Variants in KLRG1 observed in about 807,000 individuals in gnomAD.
KLRG1 encodes the protein killer cell lectin like receptor G1, also known as killer cell lectin-like receptor subfamily G member 1.
KLRG1 carries 16 observed loss-of-function variants against 21.8 expected under a neutral mutation model. The observed-to-expected ratio is 0.73, with a 90% CI of 0.50 to 1.11. The LOEUF (loss-of-function observed/expected upper bound fraction) is 1.11. Ranked by LOEUF, KLRG1 falls within the 50% of genes most tolerant of loss-of-function variation. The pLI is 0.00. For missense variants in KLRG1, 173 were observed against 218.3 expected (o/e 0.79, Z 1.31); for synonymous variants, 69 against 75.9 (o/e 0.91, Z 0.47).
chr12:9,154,566 C>T, the KLRG1 span: 1 of 1,538,662 alleles, frequency 6.5e-7, no homozygotes, highest in Non-Finnish European at 8.9e-7. Flanking sequence ...TTTTAAGCCT[C>T]CCAATTGCCA....
At chr12:9,178,882 CA>C in the KLRG1 span, among the ~76,000 whole-genome samples, 2 of 152,080 alleles carry the variant, frequency 1.3e-5, no homozygotes, top group Admixed American at 6.6e-5. Flanking sequence ...AAAAATAGGA[CA>C]GGGGTCTCAG....
chr12:8,972,648 C>T (rs1304175501), intron 1 of KLRG1, among the ~76,000 whole-genome samples: 1 of 152,112 alleles, frequency 6.6e-6, no homozygotes, highest in Non-Finnish European at 1.5e-5. Flanking sequence ...GTTGTGCTCC[C>T]TATTCTCATC....
the KLRG1 span, among the ~76,000 whole-genome samples, chr12:9,024,446 T>C: frequency 6.6e-6 from 1 of 152,186 alleles, no homozygotes; most frequent in Non-Finnish European, 1.5e-5. Context: ...CGTAGTATAG[T>C]TCTCCAACTT....
At chr12:9,181,977 T>C in the KLRG1 span, 1 of 1,613,262 alleles carries the variant, frequency 6.2e-7, no homozygotes, top group African/African-American at 1.3e-5. Context: ...TCGCTCACCT[T>C]GTTGGCTAGA....
intron 3 of KLRG1, among the ~76,000 whole-genome samples, chr12:9,008,128 T>C (rs905705510): frequency 6.6e-6 from 1 of 152,152 alleles, no homozygotes; most frequent in African/African-American, 2.4e-5. Flanking sequence ...TCTTGCCACA[T>C]ACAAGATTGA....
the KLRG1 span, chr12:9,077,510 C>T: frequency 3.4e-6 from 5 of 1,477,706 alleles, no homozygotes; most frequent in Admixed American, 3.9e-5. Flanking sequence ...TGGAATTCAT[C>T]CTTACCCATA....
the KLRG1 span, among the ~76,000 whole-genome samples, chr12:9,198,969 G>C: frequency 6.6e-6 from 1 of 152,114 alleles, no homozygotes; most frequent in Admixed American, 6.5e-5. Flanking sequence ...CTGTTTGTTT[G>C]TAGGCTATCA....
chr12:8,972,327 T>G (rs1946583834), intron 1 of KLRG1, among the ~76,000 whole-genome samples: 1 of 152,158 alleles, frequency 6.6e-6, no homozygotes, highest in African/African-American at 2.4e-5. Context: ...CTGGCTAATT[T>G]TTTGTATTTT....
the KLRG1 span, chr12:9,101,078 C>T: frequency 1.4e-6 from 2 of 1,429,128 alleles, no homozygotes; most frequent in Non-Finnish European, 1.9e-6. Flanking sequence ...TATTCTGATA[C>T]TTCCGTGGTG....
chr12:9,004,051 G>T (rs1450673454), intron 3 of KLRG1, among the ~76,000 whole-genome samples: 1 of 151,842 alleles, frequency 6.6e-6, no homozygotes, highest in Non-Finnish European at 1.5e-5. Flanking sequence ...TTTTATGGCT[G>T]CATAGTATTC....
chr12:9,109,313 G>A, the KLRG1 span: 19 of 1,602,698 alleles, frequency 1.2e-5, no homozygotes, highest in Admixed American at 8.3e-5. Context: ...TTTAAAAAAT[G>A]AACTCACAGG....
At chr12:9,171,386 G>A in the KLRG1 span, among the ~76,000 whole-genome samples, 2 of 152,190 alleles carry the variant, frequency 1.3e-5, no homozygotes, top group African/African-American at 4.8e-5. Flanking sequence ...AGGTAGATAA[G>A]TTCACAAAGA....
At position 9,009,533 on chromosome 12, in the gene KLRG1, T is replaced by G. The variant is rs1457266741; in HGVS notation, c.566T>G (p.Leu189Arg). Residue 189 changes from leucine to arginine, a missense_variant, in exon 5 of 5, where the codon CTT (leucine) becomes CGT (arginine). This residue lies in a region of KLRG1 where 26 missense variants were observed against 36.9 expected (regional missense o/e 0.70). Coordinates refer to ENST00000356986, the MANE Select transcript of KLRG1 (RefSeq NM_005810.4). ...CACTGGGTGTGTAAGAAGGTCAGAC[T>G]TTGATAGATGACCACTCTGTCCTGA... is the stretch of plus-strand genomic sequence containing the variant. ...PLHWVCKKVR[L>R] is the part of the protein sequence containing the mutation. The G allele has an allele frequency of 1.2e-6, 2 of 1,613,848 alleles. No individual in the cohort carries two copies. Among genetic ancestry groups the G allele is most frequent in the South Asian group, 2.2e-5 (2 of 91,076 alleles).
the KLRG1 span, chr12:9,090,160 T>G: frequency 2.2e-6 from 3 of 1,380,996 alleles, no homozygotes; most frequent in Non-Finnish European, 3.0e-6. Flanking sequence ...AACATGCAAA[T>G]GAGAGGTGAA....
the KLRG1 span, among the ~76,000 whole-genome samples, chr12:9,132,092 A>T: frequency 6.6e-6 from 1 of 152,192 alleles, no homozygotes; most frequent in South Asian, 2.1e-4. Flanking sequence ...TAGATGTGAT[A>T]TTTAATATTT....
the KLRG1 span, among the ~76,000 whole-genome samples, chr12:9,181,725 C>T: frequency 1.1e-4 from 17 of 152,256 alleles, no homozygotes; most frequent in African/African-American, 3.6e-4. Context: ...ATTTTACATA[C>T]TCACACAACT....
At chr12:9,181,154 T>C in the KLRG1 span, 1 of 1,613,860 alleles carries the variant, frequency 6.2e-7, no homozygotes, top group Non-Finnish European at 8.5e-7. Flanking sequence ...GAAGGAAACG[T>C]CAACCAGTGT....
At chr12:9,112,547 G>C in the KLRG1 span, 6 of 1,613,216 alleles carry the variant, frequency 3.7e-6, no homozygotes, top group Non-Finnish European at 5.1e-6. Context: ...CTGAAATACA[G>C]GACCGATCCT....
At chr12:9,184,031 G>C in the KLRG1 span, among the ~76,000 whole-genome samples, 35 of 152,264 alleles carry the variant, frequency 2.3e-4, no homozygotes, top group Non-Finnish European at 3.7e-4. Flanking sequence ...AAGGAAAGTG[G>C]GGTAGATTGA....
Sources: gnomAD v4.1 joint callset for allele counts (sites outside exome capture counted in the v4.1 genomes callset) on GRCh38, gnomAD v4.1.1 for gene constraint, gnomAD v4.1.1 regional missense constraint, MANE v1.5 for transcripts, NCBI Gene and HGNC (gene_info 2026-07-23, HGNC 2026-07-21) for gene names.